Variants in DMD observed in about 807,000 individuals in gnomAD.
The protein encoded by DMD is dystrophin, also known as mutant dystrophin.
Under a neutral mutation model 330.1 loss-of-function variants are expected in DMD, and 63 were observed. The observed-to-expected ratio is 0.19, with a 90% CI of 0.16 to 0.24. The LOEUF (loss-of-function observed/expected upper bound fraction) is 0.24. Ranked by LOEUF, DMD falls within the 10% of genes least tolerant of loss-of-function variation. The probability of loss-of-function intolerance (pLI) is 1.00; values close to 1 mark genes in which losing one functional copy is unlikely to be tolerated. For missense variants in DMD, 3,344 were observed against 2,684.1 expected (o/e 1.25, Z -5.43); for synonymous variants, 1,223 against 959.8 (o/e 1.27, Z -5.07).
At chrX:32,997,246 C>T (rs1040222313) in intron 2 of DMD, among the ~76,000 whole-genome samples, 2 of 106,756 alleles carry the variant, frequency 1.9e-5, no homozygotes, top group Non-Finnish European at 3.9e-5. Flanking sequence ...GAGCCTCCCG[C>T]CATTTTTTTT....
chrX:31,655,371 T>C (rs867917775), intron 54 of DMD, among the ~76,000 whole-genome samples: 12 of 110,820 alleles, frequency 1.1e-4, no homozygotes, highest in Middle Eastern at 4.6e-3. Context: ...GGAATTTGCC[T>C]CACGATGAAT....
Position 32,448,413 on chromosome X carries a change from T to C in DMD, c.3786+43A>G, listed in dbSNP as rs758325151. On this transcript the variant is annotated intron_variant, in intron 27 of 78. Coordinates refer to ENST00000357033, the MANE Select transcript of DMD (RefSeq NM_004006.3). ...AACCACTATGCCTCACATATGACCATGTATTGACATATCATTGACAAAGAC... is the reference window on the plus strand; with the variant it reads ...AACCACTATGCCTCACATATGACCACGTATTGACATATCATTGACAAAGAC... 1.4e-5 allele frequency: 17 copies of C among 1,178,662 alleles called. No individual in the cohort carries two copies. The Admixed American group carries it at 2.9e-4, about 20-fold the overall frequency.
intron 2 of DMD, among the ~76,000 whole-genome samples, chrX:33,008,611 C>T (rs944070982): frequency 5.5e-5 from 6 of 109,133 alleles, no homozygotes; most frequent in Middle Eastern, 4.8e-3. Context: ...AAGAAATTTG[C>T]GGATACAGTC....
intron 7 of DMD, among the ~76,000 whole-genome samples, chrX:32,782,359 G>A (rs750978252): frequency 8.9e-6 from 1 of 111,920 alleles, no homozygotes; most frequent in East Asian, 2.8e-4. Flanking sequence ...GCTATTCTGA[G>A]AAGGGTTAAA....
rs191544848 is a variant in DMD at position 32,571,379 on chromosome X, G to A, written c.1812+2151C>T. 3.3e-3 allele frequency among the ~76,000 whole-genome samples: 371 copies of A among 111,820 alleles called. 1 individual carries two copies. Among genetic ancestry groups the A allele is most frequent in the African/African-American group, 0.011 (343 of 30,824 alleles). ...CCTCTCCTCTCTGTGGCATGTGACA[G>A]TGTGTACCACTTCCTACTTTTTTGA... On this transcript the variant is annotated intron_variant, in intron 15 of 78. Coordinates refer to ENST00000357033, the MANE Select transcript of DMD (RefSeq NM_004006.3).
At chrX:32,588,997 CAGAAGATAATT>C (rs769577666) in intron 13 of DMD, among the ~76,000 whole-genome samples, 1 of 111,358 alleles carries the variant, frequency 9.0e-6, no homozygotes, top group South Asian at 3.8e-4. Flanking sequence ...AGGATGTGTT[CAGAAGATAATT>C]AGAAGAAAAT....
intron 7 of DMD, among the ~76,000 whole-genome samples, chrX:32,801,566 G>C (rs1453853098): frequency 8.9e-6 from 1 of 112,013 alleles, no homozygotes; most frequent in African/African-American, 3.2e-5. Context: ...TGGTGTTTCA[G>C]TCATGAAGTC....
intron 44 of DMD, among the ~76,000 whole-genome samples, chrX:32,174,818 A>G (rs2096900580): frequency 9.0e-6 from 1 of 111,518 alleles, no homozygotes; most frequent in African/African-American, 3.3e-5. Flanking sequence ...AAGCACTCCA[A>G]TAAGTGTGCT....
chrX:32,636,977 G>A (rs1245111019), intron 11 of DMD, among the ~76,000 whole-genome samples: 3 of 109,394 alleles, frequency 2.7e-5, no homozygotes, highest in Non-Finnish European at 5.7e-5. Context: ...CAGCCTGGGA[G>A]ACAGGGAGAC....
chrX:32,487,826 C>G (rs1203190942), intron 20 of DMD, among the ~76,000 whole-genome samples: 1 of 111,548 alleles, frequency 9.0e-6, no homozygotes, highest in East Asian at 2.8e-4. Context: ...AATATAAATC[C>G]TCTCAAACCA....
At chrX:32,742,602 C>T (rs969144881) in intron 7 of DMD, among the ~76,000 whole-genome samples, 1 of 111,464 alleles carries the variant, frequency 9.0e-6, no homozygotes, top group Non-Finnish European at 1.9e-5. Flanking sequence ...TGGACAATCA[C>T]AAGGGTTTAG....
intron 7 of DMD, among the ~76,000 whole-genome samples, chrX:32,743,373 T>G (rs2069556200): frequency 9.0e-6 from 1 of 111,482 alleles, no homozygotes; most frequent in South Asian, 3.8e-4. Context: ...ATTTTCCTAC[T>G]CATATTCCCT....
intron 43 of DMD, among the ~76,000 whole-genome samples, chrX:32,230,469 T>C (rs1290776439): frequency 1.8e-5 from 2 of 111,530 alleles, no homozygotes; most frequent in Non-Finnish European, 3.8e-5. Flanking sequence ...ACGGTCTCGA[T>C]CTCCTGACCT....
rs1345064893 is a variant in DMD, at chrX:32,252,742, AT to A, written c.6290+34786del. 7.7e-3 allele frequency among the ~76,000 whole-genome samples: 352 copies of A among 45,511 alleles called. 14 individuals carry two copies. The highest frequency in any genetic ancestry group is 0.03 in the African/African-American group (273 of 9,218). The allele number at this position is 45,511 out of a possible 115,157, so 39.5% of individuals were successfully genotyped here. On this transcript the variant is annotated intron_variant, in intron 43 of 78. Transcript: ENST00000357033. The stretch of plus-strand genomic sequence containing the variant: ...TATATATAAATATATAAATATATAT[AT>A]AAATATATATAAATATATAAATATA...
intron 7 of DMD, among the ~76,000 whole-genome samples, chrX:32,742,347 G>T: frequency 8.9e-6 from 1 of 111,755 alleles, no homozygotes; most frequent in East Asian, 2.8e-4. Context: ...AATGCCAATA[G>T]GATAAAATAC....
chrX:31,571,198 C>T (rs2075792687), intron 55 of DMD, among the ~76,000 whole-genome samples: 2 of 109,147 alleles, frequency 1.8e-5, no homozygotes, highest in South Asian at 3.9e-4. Flanking sequence ...TATATGTATT[C>T]TCTGACAAAA....
intron 12 of DMD, among the ~76,000 whole-genome samples, chrX:32,610,661 TTTTC>T (rs779778821): frequency 1.8e-5 from 2 of 111,584 alleles, no homozygotes; most frequent in East Asian, 2.8e-4. Flanking sequence ...AATCTGTATC[TTTTC>T]TTTAATTTTG....
At chrX:31,513,418 AACTCATCATTTAAAGAC>A (rs1360370247) in intron 55 of DMD, among the ~76,000 whole-genome samples, 1 of 110,364 alleles carries the variant, frequency 9.1e-6, no homozygotes, top group Non-Finnish European at 1.9e-5. Flanking sequence ...TGTGCCAATA[AACTCATCATTTAAAGAC>A]TACACCTCAG....
chrX:31,846,715 A>T (rs1239498230), intron 48 of DMD, among the ~76,000 whole-genome samples: 3 of 111,146 alleles, frequency 2.7e-5, no homozygotes, highest in African/African-American at 9.8e-5. Context: ...TGTGCAGCCA[A>T]ATGACTAGCA....
Sources: allele counts gnomAD v4.1 joint callset (sites outside exome capture counted in the v4.1 genomes callset), GRCh38; gene constraint gnomAD v4.1.1; transcripts MANE v1.5; gene names NCBI Gene and HGNC (gene_info 2026-07-23, HGNC 2026-07-21).